The following QTMAN variants were observed in gnomAD, a reference collection of about 807,000 sequenced individuals.
The protein encoded by QTMAN is queuosine-tRNA mannosyltransferase, also known as tRNA-queuosine alpha-mannosyltransferase.
chr2:144,060,567 T>C, the QTMAN span, among the ~76,000 whole-genome samples: 1 of 152,206 alleles, frequency 6.6e-6, no homozygotes, highest in South Asian at 2.1e-4. Flanking sequence ...AGCCCAAGCA[T>C]CTTAATCTTA....
At chr2:144,281,363 A>C in the QTMAN span, among the ~76,000 whole-genome samples, 3 of 143,182 alleles carry the variant, frequency 2.1e-5, no homozygotes, top group African/African-American at 7.8e-5. Context: ...CAAAATATTT[A>C]TACAAGACTC....
the QTMAN span, among the ~76,000 whole-genome samples, chr2:144,319,338 C>T: frequency 6.6e-6 from 1 of 152,086 alleles, no homozygotes; most frequent in African/African-American, 2.4e-5. Flanking sequence ...CTGAAATTAA[C>T]CCTTTTAGTC....
At chr2:144,167,897 T>G in the QTMAN span, among the ~76,000 whole-genome samples, 1 of 152,158 alleles carries the variant, frequency 6.6e-6, no homozygotes, top group African/African-American at 2.4e-5. Flanking sequence ...ATAGCAAAAA[T>G]GCTAAAGTTT....
chr2:144,265,216 T>C, the QTMAN span, among the ~76,000 whole-genome samples: 10 of 152,200 alleles, frequency 6.6e-5, no homozygotes, highest in African/African-American at 2.4e-4. Flanking sequence ...TGTCTGAAAG[T>C]ATAAGGTCAA....
the QTMAN span, among the ~76,000 whole-genome samples, chr2:144,132,942 T>C: frequency 7.3e-6 from 1 of 136,416 alleles, no homozygotes; most frequent in East Asian, 2.0e-4. Flanking sequence ...AGTTTACAAA[T>C]TCAATATTCA....
At chr2:144,312,498 A>G in the QTMAN span, among the ~76,000 whole-genome samples, 1 of 152,162 alleles carries the variant, frequency 6.6e-6, no homozygotes, top group Non-Finnish European at 1.5e-5. Flanking sequence ...TACAAGATGG[A>G]CACATGCAGA....
At chr2:144,246,233 G>A in the QTMAN span, among the ~76,000 whole-genome samples, 1 of 152,208 alleles carries the variant, frequency 6.6e-6, no homozygotes, top group African/African-American at 2.4e-5. Context: ...ATAAGCCAAA[G>A]AAAGTTTCAC....
the QTMAN span, among the ~76,000 whole-genome samples, chr2:144,133,479 T>A: frequency 2.8e-5 from 2 of 72,476 alleles, no homozygotes; most frequent in African/African-American, 1.1e-4. Flanking sequence ...TATTATATAA[T>A]ATATAAAATA....
chr2:144,080,660 C>T, the QTMAN span, among the ~76,000 whole-genome samples: 1 of 152,088 alleles, frequency 6.6e-6, no homozygotes, highest in Non-Finnish European at 1.5e-5. Context: ...AAAATGCATA[C>T]TGATTTCAGA....
chr2:144,203,757 A>G, the QTMAN span, among the ~76,000 whole-genome samples: 1 of 152,132 alleles, frequency 6.6e-6, no homozygotes, highest in Non-Finnish European at 1.5e-5. Context: ...AATAATATAT[A>G]TTTTAATCAA....
the QTMAN span, among the ~76,000 whole-genome samples, chr2:144,248,042 G>A: frequency 3.9e-5 from 6 of 152,276 alleles, no homozygotes; most frequent in African/African-American, 1.4e-4. Context: ...GTTAAACTAG[G>A]TGAATGTATT....
At chr2:144,007,897 A>G in the QTMAN span, among the ~76,000 whole-genome samples, 1 of 152,076 alleles carries the variant, frequency 6.6e-6, no homozygotes, top group Non-Finnish European at 1.5e-5. Context: ...TTTTCAGGCC[A>G]TACTTGTTCA....
chr2:144,038,736 T>A, the QTMAN span, among the ~76,000 whole-genome samples: 1 of 152,200 alleles, frequency 6.6e-6, no homozygotes, highest in Non-Finnish European at 1.5e-5. Context: ...ATTAAATTGA[T>A]GTTGTATATG....
the QTMAN span, among the ~76,000 whole-genome samples, chr2:144,245,540 T>C: frequency 1.3e-5 from 2 of 152,162 alleles, no homozygotes; most frequent in East Asian, 1.9e-4. Flanking sequence ...AATAAGAAAA[T>C]GCTAGGAAAT....
chr2:144,095,530 G>C, the QTMAN span, among the ~76,000 whole-genome samples: 1 of 152,112 alleles, frequency 6.6e-6, no homozygotes, highest in African/African-American at 2.4e-5. Flanking sequence ...GATGCATCAT[G>C]ACATCATTTT....
At chr2:144,052,386 G>A in the QTMAN span, among the ~76,000 whole-genome samples, 6 of 152,146 alleles carry the variant, frequency 3.9e-5, no homozygotes, top group African/African-American at 1.4e-4. Flanking sequence ...ACTAAGTGAA[G>A]AGACGAGCAA....
chr2:144,009,946 T>C, the QTMAN span, among the ~76,000 whole-genome samples: 1 of 151,728 alleles, frequency 6.6e-6, no homozygotes, highest in African/African-American at 2.4e-5. Context: ...TCTGTACATA[T>C]CTGGAGAACA....
At chr2:144,261,537 T>A in the QTMAN span, among the ~76,000 whole-genome samples, 1 of 152,186 alleles carries the variant, frequency 6.6e-6, no homozygotes, top group African/African-American at 2.4e-5. Context: ...CATAATGACA[T>A]TTGTTAGCTG....
the QTMAN span, among the ~76,000 whole-genome samples, chr2:144,118,774 G>T: frequency 3.3e-5 from 5 of 152,316 alleles, 1 homozygote; most frequent in African/African-American, 1.2e-4. Context: ...CCAGCTACTT[G>T]GGAGGCTGAG....
Sources: allele counts gnomAD v4.1 joint callset (sites outside exome capture counted in the v4.1 genomes callset), GRCh38; gene constraint gnomAD v4.1.1; transcripts MANE v1.5; gene names NCBI Gene and HGNC (gene_info 2026-07-23, HGNC 2026-07-21).